Variants in DMD observed in about 807,000 individuals in gnomAD.
The protein encoded by DMD is dystrophin, also known as mutant dystrophin.
Under a neutral mutation model 330.1 loss-of-function variants are expected in DMD, and 63 were observed. That is an observed-to-expected ratio of 0.19 (90% CI 0.16 to 0.24). DMD has a LOEUF of 0.24. Ranked by LOEUF, DMD falls within the 10% of genes least tolerant of loss-of-function variation. The probability of loss-of-function intolerance (pLI) is 1.00; values close to 1 mark genes in which losing one functional copy is unlikely to be tolerated. For synonymous variants in DMD, 1,223 were observed against 959.8 expected, an observed-to-expected ratio of 1.27 and a Z score of -5.07; for missense variants, 3,344 against 2,684.1, an observed-to-expected ratio of 1.25 and a Z score of -5.43.
intron 77 of DMD, 98 bp from the exon 78 acceptor site, chrX:31,126,771 C>T (rs1157693568): frequency 1.9e-5 from 6 of 319,697 alleles, no homozygotes; most frequent in Non-Finnish European, 3.4e-5. Context: ...TTTTACCAAA[C>T]AAATGTTGAG....
chrX:31,161,439 G>A (rs1448620871), intron 74 of DMD, among the ~76,000 whole-genome samples: 2 of 111,864 alleles, frequency 1.8e-5, no homozygotes, highest in African/African-American at 6.5e-5. Flanking sequence ...ATGTCCTTGG[G>A]CAAATAGAAT....
chrX:31,209,650 G>T lies in DMD; in HGVS notation c.9411C>A (p.Asn3137Lys), dbSNP rs200715944. 1 of 1,209,593 alleles carries T rather than the reference G, an allele frequency of 8.3e-7. No individual in the cohort carries two copies. The highest frequency in any genetic ancestry group is 3.0e-5 in the East Asian group (1 of 33,757). Residue 3137 changes from asparagine to lysine, a missense_variant, in exon 65 of 79, where the codon AAC becomes AAA. Transcript: ENST00000357033. Reference sequence around the variant, plus strand: ...CCATGGGCTGGTCATTTTGCTTGAGGTTGTGCTGGTCCAAGGCATCACATG... The same window carrying T: ...CCATGGGCTGGTCATTTTGCTTGAGTTTGTGCTGGTCCAAGGCATCACATG... ...SAACDALDQH[N>K]LKQNDQPMDI... is the part of the protein sequence containing the mutation.
At chrX:31,481,104 G>A (rs2068250850) in intron 57 of DMD, among the ~76,000 whole-genome samples, 1 of 112,269 alleles carries the variant, frequency 8.9e-6, no homozygotes. Flanking sequence ...AGAGCATAAA[G>A]AACAAGGAGA....
chrX:32,953,468 C>T (rs1489820035), intron 2 of DMD, among the ~76,000 whole-genome samples: 3 of 111,678 alleles, frequency 2.7e-5, no homozygotes, highest in African/African-American at 9.8e-5. Context: ...TATTAAATAT[C>T]GGCTAGATAC....
intron 1 of DMD, among the ~76,000 whole-genome samples, chrX:33,039,359 C>T (rs2094258935): frequency 9.2e-6 from 1 of 108,444 alleles, no homozygotes; most frequent in African/African-American, 3.4e-5. Context: ...CCCACCCCAC[C>T]CCACCAAACA....
At chrX:33,307,096 C>T (rs1300210613) in intron 1 of DMD, among the ~76,000 whole-genome samples, 1 of 110,956 alleles carries the variant, frequency 9.0e-6, no homozygotes, top group Admixed American at 9.7e-5. Context: ...AGATGATGAT[C>T]CCTGAAATCC....
chrX:32,106,007 T>C (rs2146559526), intron 44 of DMD, among the ~76,000 whole-genome samples: 1 of 112,067 alleles, frequency 8.9e-6, no homozygotes, highest in African/African-American at 3.2e-5. Context: ...CAGATGTGAT[T>C]AAGTGTTGAC....
chrX:32,230,534 C>T (rs150023665), intron 43 of DMD, among the ~76,000 whole-genome samples: 2,256 of 112,031 alleles, frequency 0.02, 57 homozygotes, highest in African/African-American at 0.068. Flanking sequence ...CGTGAGCCAC[C>T]GCGCCCGGCC....
At chrX:32,634,331 T>C (rs763016774) in intron 11 of DMD, among the ~76,000 whole-genome samples, 1 of 111,620 alleles carries the variant, frequency 9.0e-6, no homozygotes, top group African/African-American at 3.3e-5. Context: ...TGCCCCACTG[T>C]GGTCAAACTG....
chrX:32,452,886 T>C (rs1353281451), intron 26 of DMD, among the ~76,000 whole-genome samples: 3 of 111,282 alleles, frequency 2.7e-5, no homozygotes, highest in Non-Finnish European at 5.7e-5. Flanking sequence ...TTTTCCTTCC[T>C]TCAGGCAGAT....
chrX:33,295,532 A>T (rs1333102658), intron 1 of DMD, among the ~76,000 whole-genome samples: 5 of 111,565 alleles, frequency 4.5e-5, no homozygotes, highest in Non-Finnish European at 7.6e-5. Context: ...AAATACAAAT[A>T]GTGACATAGA....
At chrX:31,391,827 C>T (rs951703484) in intron 60 of DMD, among the ~76,000 whole-genome samples, 4 of 110,620 alleles carry the variant, frequency 3.6e-5, no homozygotes, top group African/African-American at 9.9e-5. Context: ...GCCGAGATCA[C>T]GCCACTGCAC....
In DMD at chrX:32,742,300, GT is replaced by G. The variant is rs756634344; in HGVS notation, c.650-43008del. On this transcript the variant is annotated intron_variant, in intron 7 of 78. Transcript: ENST00000357033. ...TATTCCGTTCTAAAATAAAGCCAAT[GT>G]TTTTATTAAATATTCTTCGTGCCCA... Among the ~76,000 whole-genome samples the G allele has an allele frequency of 5.3e-5, 6 of 112,208 alleles. No individual in the cohort carries two copies. The East Asian group carries it at 1.4e-3, about 26-fold the overall frequency.
intron 11 of DMD, among the ~76,000 whole-genome samples, chrX:32,616,561 T>C (rs887516156): frequency 1.8e-5 from 2 of 110,328 alleles, no homozygotes; most frequent in Non-Finnish European, 3.8e-5. Context: ...ATCAGTGTTT[T>C]TTGTTTAGAG....
intron 34 of DMD, among the ~76,000 whole-genome samples, chrX:32,378,409 A>T (rs1031162470): frequency 9.1e-6 from 1 of 109,754 alleles, no homozygotes; most frequent in African/African-American, 3.3e-5. Context: ...CTGGAATTTA[A>T]TATATATTAA....
chrX:31,490,290 C>T lies in DMD; in HGVS notation c.8547+6498G>A, dbSNP rs190838039. Reference sequence around the variant, plus strand: ...TAGAATGAATCACTCTGGCCGGGCGCGGTGGCTCACGCCTGTAATCCCAGC... The same window carrying T: ...TAGAATGAATCACTCTGGCCGGGCGTGGTGGCTCACGCCTGTAATCCCAGC... On this transcript the variant is annotated intron_variant, in intron 57 of 78. Transcript: ENST00000357033. Among the ~76,000 whole-genome samples the T allele has an allele frequency of 3.6e-5, 4 of 112,249 alleles. No homozygotes were observed. In the East Asian group the frequency reaches 8.4e-4, roughly 24 times the overall value.
Position 31,747,203 on chromosome X carries a change from T to C in DMD, c.7543-17455A>G, listed in dbSNP as rs181628086. ...GGGGGTAGGAGGTGTTAGACATTGA[T>C]CAGGAGCTTAAGAGATGAGCTATTT... On this transcript the variant is annotated intron_variant, in intron 51 of 78. Transcript: ENST00000357033. Among the ~76,000 whole-genome samples the C allele has an allele frequency of 2.5e-4, 28 of 111,525 alleles. No individual in the cohort carries two copies. In the East Asian group the frequency reaches 7.7e-3, roughly 31 times the overall value.
At chrX:31,187,184 G>C (rs2041850083) in intron 67 of DMD, among the ~76,000 whole-genome samples, 1 of 112,449 alleles carries the variant, frequency 8.9e-6, no homozygotes, top group African/African-American at 3.2e-5. Context: ...CAAATGAAAG[G>C]CAATTGGAAC....
chrX:31,266,159 C>CAAAAAAA (rs1174153877), intron 62 of DMD, among the ~76,000 whole-genome samples: 266 of 13,313 alleles, frequency 0.02, 41 homozygotes, highest in African/African-American at 0.059. Flanking sequence ...TCCCGAAGGG[C>CAAAAAAA]AAAAAAAAAA....
Sources: gnomAD v4.1 joint callset for allele counts (sites outside exome capture counted in the v4.1 genomes callset) on GRCh38, gnomAD v4.1.1 for gene constraint, MANE v1.5 for transcripts, NCBI Gene and HGNC (gene_info 2026-07-23, HGNC 2026-07-21) for gene names.